Variants in NRG1 observed in about 807,000 individuals in gnomAD.
NRG1 encodes neuregulin 1.
Under a neutral mutation model 63.8 loss-of-function variants are expected in NRG1, and 18 were observed. The ratio of observed to expected loss-of-function variants is 0.28; its 90% CI spans 0.19 to 0.42. The LOEUF is 0.42. Ranked by LOEUF, NRG1 falls within the 10% of genes least tolerant of loss-of-function variation. NRG1 has a pLI of 1.00. For missense variants in NRG1, 762 were observed against 814.7 expected (o/e 0.94, Z 0.79); for synonymous variants, 302 against 301.3 (o/e 1.00, Z -0.02).
chr8:32,636,425 G>A (rs10102810), intron 5 of NRG1, among the ~76,000 whole-genome samples: 66,463 of 151,958 alleles, frequency 0.44, 15,302 homozygotes, highest in Middle Eastern at 0.54. Flanking sequence ...ACTGGGTGGA[G>A]AATCCAGCAG....
intron 1 of NRG1, among the ~76,000 whole-genome samples, chr8:32,333,586 G>A (rs1399159528): frequency 1.3e-5 from 2 of 152,064 alleles, no homozygotes; most frequent in Non-Finnish European, 2.9e-5. Flanking sequence ...ATTTCAGTAA[G>A]GGACTCACTT....
At chr8:32,012,427 T>C (rs1814900296) in intron 1 of NRG1, among the ~76,000 whole-genome samples, 1 of 152,052 alleles carries the variant, frequency 6.6e-6, no homozygotes, top group African/African-American at 2.4e-5. Flanking sequence ...CTGCTGGCCA[T>C]AAATAGTTTT....
intron 1 of NRG1, among the ~76,000 whole-genome samples, chr8:32,501,296 T>C (rs34034923): frequency 0.45 from 69,091 of 152,082 alleles, 16,514 homozygotes; most frequent in Non-Finnish European, 0.52. Context: ...AGCAAGGGCA[T>C]TGACAGATTT....
chr8:31,748,955 A>G (rs996784326), intron 1 of NRG1, among the ~76,000 whole-genome samples: 1 of 151,914 alleles, frequency 6.6e-6, no homozygotes, highest in Non-Finnish European at 1.5e-5. Context: ...GTTTTTGCAT[A>G]AAGATGTTAA....
intron 1 of NRG1, among the ~76,000 whole-genome samples, chr8:32,279,467 C>T (rs1306370996): frequency 6.6e-6 from 1 of 152,192 alleles, no homozygotes; most frequent in African/African-American, 2.4e-5. Flanking sequence ...ATTCTCCTGC[C>T]TCAGCCTCCC....
At chr8:32,027,042 T>G (rs1817490411) in intron 1 of NRG1, among the ~76,000 whole-genome samples, 1 of 152,258 alleles carries the variant, frequency 6.6e-6, no homozygotes, top group Non-Finnish European at 1.5e-5. Context: ...CTTTCCCCCT[T>G]ATATCGGTAC....
At chr8:32,586,326 C>A (rs1280472016) in intron 1 of NRG1, among the ~76,000 whole-genome samples, 2 of 151,928 alleles carry the variant, frequency 1.3e-5, no homozygotes, top group Non-Finnish European at 2.9e-5. Context: ...TAGTCCCTAA[C>A]TGTGAAGTAC....
chr8:32,038,651 C>A (rs1375988866), intron 1 of NRG1, among the ~76,000 whole-genome samples: 3 of 151,952 alleles, frequency 2.0e-5, no homozygotes, highest in Non-Finnish European at 4.4e-5. Flanking sequence ...TAAAAATATG[C>A]CCCCAAGTTT....
At chr8:32,762,580 G>A (rs964936881) in intron 11 of NRG1, among the ~76,000 whole-genome samples, 3 of 152,138 alleles carry the variant, frequency 2.0e-5, no homozygotes, top group Admixed American at 6.5e-5. Flanking sequence ...TAGCTCTCAC[G>A]TCTGTATCAC....
At chr8:32,562,512 G>T (rs1426840822) in intron 1 of NRG1, among the ~76,000 whole-genome samples, 1 of 152,118 alleles carries the variant, frequency 6.6e-6, no homozygotes, top group Non-Finnish European at 1.5e-5. Context: ...GCCTCCCAAA[G>T]TGCTGGGATT....
intron 1 of NRG1, among the ~76,000 whole-genome samples, chr8:31,893,705 T>TA (rs1831333113): frequency 1.3e-5 from 2 of 151,226 alleles, no homozygotes. Context: ...TCAATGTCTT[T>TA]AAAGGCTAAT....
intron 1 of NRG1, among the ~76,000 whole-genome samples, chr8:32,114,384 G>T (rs1418478111): frequency 1.3e-5 from 2 of 152,114 alleles, no homozygotes; most frequent in African/African-American, 4.8e-5. Context: ...GCAACCTCTG[G>T]CATTCCTCTT....
intron 1 of NRG1, among the ~76,000 whole-genome samples, chr8:32,334,631 G>A (rs976742671): frequency 1.3e-5 from 2 of 152,258 alleles, no homozygotes; most frequent in Middle Eastern, 3.4e-3. Flanking sequence ...CTTAGAAACC[G>A]GTAACTGAAA....
At chr8:32,766,825 G>C (rs1831466380) in exon 12 of NRG1, 1 of 152,172 alleles carries the variant, frequency 6.6e-6, no homozygotes, top group African/African-American at 2.4e-5. Flanking sequence ...TGACTGCTCA[G>C]CATCACCTGC....
chr8:31,683,784 A>T (rs774582612), intron 1 of NRG1, among the ~76,000 whole-genome samples: 4 of 152,002 alleles, frequency 2.6e-5, no homozygotes, highest in Non-Finnish European at 5.9e-5. Context: ...GAAGCTGTGC[A>T]TGTGGGTGGG....
rs1053609772 is a variant in NRG1 at position 32,361,799 on chromosome 8, G to A, written c.38-234029G>A. Among the ~76,000 whole-genome samples the A allele has an allele frequency of 5.9e-5, 9 of 152,300 alleles. No homozygotes were observed. The South Asian group carries it at 1.0e-3, about 18-fold the overall frequency. On this transcript the variant is annotated intron_variant, in intron 1 of 10. Transcript: ENST00000519301. The stretch of plus-strand genomic sequence containing the variant: ...AAAATCTTAACATGGCCACCCAGGC[G>A]CATGTGGCCTCAGTAATACACAGTT...
At chr8:32,734,043 G>C (rs1202666218) in intron 6 of NRG1, among the ~76,000 whole-genome samples, 1 of 152,122 alleles carries the variant, frequency 6.6e-6, no homozygotes, top group Non-Finnish European at 1.5e-5. Flanking sequence ...GAGGACTTTG[G>C]GTATTGTAAT....
intron 1 of NRG1, among the ~76,000 whole-genome samples, chr8:32,345,179 T>G (rs536993723): frequency 1.2e-4 from 19 of 152,328 alleles, no homozygotes; most frequent in African/African-American, 4.1e-4. Context: ...GCAGATAATG[T>G]CCATTTAGTT....
At chr8:32,109,310 T>C (rs1831693008) in intron 1 of NRG1, among the ~76,000 whole-genome samples, 1 of 152,190 alleles carries the variant, frequency 6.6e-6, no homozygotes, top group African/African-American at 2.4e-5. Flanking sequence ...TGATTAGCTC[T>C]GGGCATGTTC....
Sources: gnomAD v4.1 joint callset for allele counts (sites outside exome capture counted in the v4.1 genomes callset) on GRCh38, gnomAD v4.1.1 for gene constraint, MANE v1.5 for transcripts, NCBI Gene and HGNC (gene_info 2026-07-23, HGNC 2026-07-21) for gene names.